ZBTB34: variants seen among roughly 807,000 people sequenced by gnomAD.
The protein encoded by ZBTB34 is zinc finger and BTB domain-containing protein 34.
In ZBTB34, 1 loss-of-function variant was observed where a neutral mutation model predicts 33.4. That is an observed-to-expected ratio of 0.03 (90% CI 0.01 to 0.14). The LOEUF (loss-of-function observed/expected upper bound fraction) is 0.14, where lower values mean the gene tolerates loss of function less well. Among genes scored for constraint, ZBTB34 ranks in the 10% least tolerant of loss-of-function variants. The pLI, the probability that ZBTB34 is intolerant of heterozygous loss-of-function variation, is 1.00. For synonymous variants in ZBTB34, 283 were observed against 253.5 expected (o/e 1.12, Z -1.11); for missense variants, 406 against 657.2 (o/e 0.62, Z 4.18).
At chr9:126,872,241 G>A (rs960166456) in intron 1 of ZBTB34, among the ~76,000 whole-genome samples, 1 of 152,164 alleles carries the variant, frequency 6.6e-6, no homozygotes, top group Admixed American at 6.5e-5. Context: ...GTGAGCCACC[G>A]CGCCCGGCCT....
intron 1 of ZBTB34, among the ~76,000 whole-genome samples, chr9:126,867,447 C>CTTTTTTT (rs201325256): frequency 2.8e-4 from 34 of 119,408 alleles, no homozygotes; most frequent in Non-Finnish European, 4.4e-4. Context: ...TGTCATTTTT[C>CTTTTTTT]TTTTTTTTTT....
rs1261535242 is a variant in ZBTB34, at chr9:126,879,831, T to C, written c.432T>C (p.Gly144=). 3 of 1,613,190 alleles carry C rather than the reference T, an allele frequency of 1.9e-6. No individual in the cohort carries two copies. In the South Asian group the frequency reaches 3.3e-5, roughly 18 times the overall value. Residue 144 remains glycine (G), a synonymous_variant, in exon 2 of 2, where the codon GGT becomes GGC. Coordinates refer to ENST00000319119, the Ensembl canonical transcript of ZBTB34. The surrounding 1 kb of genome is among the most constrained non-coding windows in gnomAD (Gnocchi z 6.4). ...GAGATGTTGACTCTGTTACCGTCGG[T>C]GCTGAAGAGAATCCCGAGAGTCGAA...
intron 1 of ZBTB34, among the ~76,000 whole-genome samples, chr9:126,861,251 G>GCGA (rs2033140085): frequency 6.6e-6 from 1 of 152,228 alleles, no homozygotes; most frequent in Non-Finnish European, 1.5e-5. Context: ...ACAGGCGGCG[G>GCGA]CGACGGGTTG....
chr9:126,873,127 A>G (rs1203844045), intron 1 of ZBTB34, among the ~76,000 whole-genome samples: 1 of 152,190 alleles, frequency 6.6e-6, no homozygotes, highest in African/African-American at 2.4e-5. Flanking sequence ...TTGCATTCCA[A>G]AAGTCACTAT....
rs546683922 is a variant in ZBTB34, at chr9:126,876,375, G to A, written c.-10-3015G>A. On this transcript the variant is annotated intron_variant, in intron 1 of 1. Coordinates refer to ENST00000319119, the Ensembl canonical transcript of ZBTB34. The stretch of plus-strand genomic sequence containing the variant: ...TAGCCTATTATTTTTGCCTTACGCT[G>A]AAAGGGCATTTAACTTTTTCTCACA... Among the ~76,000 whole-genome samples the A allele has an allele frequency of 8.7e-5, 13 of 150,260 alleles. No individual in the cohort carries two copies. In the South Asian group the frequency reaches 1.3e-3, roughly 15 times the overall value.
intron 1 of ZBTB34, among the ~76,000 whole-genome samples, chr9:126,866,981 CAT>C (rs2033210732): frequency 6.6e-6 from 1 of 151,600 alleles, no homozygotes; most frequent in South Asian, 2.1e-4. Flanking sequence ...TATATGCATA[CAT>C]ATTAGTCTAC....
rs774507911 is a variant in ZBTB34 at position 126,880,437 on chromosome 9, C to T, written c.1038C>T (p.Asp346=). ...TGCAGGGCCTGGTGCAGGGCTCTGA[C>T]AGTGAAGCCATGATGAACAACCCCG... is the stretch of plus-strand genomic sequence containing the variant. Residue 346 remains aspartate (D), a synonymous_variant, in exon 2 of 2, where the codon GAC becomes GAT. Coordinates refer to ENST00000319119, the Ensembl canonical transcript of ZBTB34. The surrounding 1 kb of genome is among the most constrained non-coding windows in gnomAD (Gnocchi z 6.7). 6.2e-6 allele frequency: 10 copies of T among 1,613,474 alleles called. No individual in the cohort carries two copies. Among genetic ancestry groups the T allele is most frequent in the Non-Finnish European group, 8.5e-6 (10 of 1,179,858 alleles).
chr9:126,870,145 T>C (rs2033259323), intron 1 of ZBTB34, among the ~76,000 whole-genome samples: 1 of 152,238 alleles, frequency 6.6e-6, no homozygotes, highest in Non-Finnish European at 1.5e-5. Flanking sequence ...TAAAGAGTTC[T>C]GGTTCTGATG....
exon 2 of ZBTB34, chr9:126,881,118 A>T (rs190160177): frequency 1.7e-6 from 1 of 593,484 alleles, no homozygotes; most frequent in Non-Finnish European, 3.0e-6. Context: ...ATGAAGGGCA[A>T]CGCATCCAGG....
At position 126,880,122 on chromosome 9, in the gene ZBTB34, G is replaced by A. The variant is rs373930697; in HGVS notation, c.723G>A (p.Lys241=). ...GCCAGATCACCGAGGTGAAAGTGAA[G>A]ATGGAGAAGTCCGACCGGCCCAGCT... The change falls in exon 2 of 2, where the codon AAG becomes AAA. Residue 241 remains lysine, a synonymous_variant. Transcript: ENST00000319119. This position sits in a 1 kb window ranked among gnomAD's most constrained non-coding sequence, Gnocchi z 6.7. 3.7e-5 allele frequency: 59 copies of A among 1,613,776 alleles called. No individual in the cohort carries two copies. In the African/African-American group the frequency reaches 7.2e-4, roughly 20 times the overall value.
intron 1 of ZBTB34, among the ~76,000 whole-genome samples, chr9:126,862,317 A>G (rs1023013443): frequency 4.6e-5 from 7 of 152,188 alleles, no homozygotes; most frequent in African/African-American, 1.7e-4. Context: ...ACTAGGTCAA[A>G]GTTGAAACTA....
chr9:126,880,363 G>A lies in ZBTB34; in HGVS notation c.964G>A (p.Gly322Arg). 1 of 1,613,854 alleles carries A rather than the reference G, an allele frequency of 6.2e-7. No homozygotes were observed. The change falls in exon 2 of 2, where the codon GGG becomes AGG. Residue 322 changes from glycine (G) to arginine (R), a missense_variant. Transcript: ENST00000319119. The surrounding 1 kb of genome is among the most constrained non-coding windows in gnomAD (Gnocchi z 6.7). ...GTCCATGCTGAGCTGTTTCCGAGGA[G>A]GGCGTGCCCGCCAGAAGCGGGCTTT...
At position 126,880,430 on chromosome 9, in the gene ZBTB34, G is replaced by T. The variant is rs769448656; in HGVS notation, c.1031G>T (p.Gly344Val). 6.2e-7 allele frequency: 1 copy of T among 1,613,380 alleles called. No homozygotes were observed. The highest frequency in any genetic ancestry group is 8.5e-7 in the Non-Finnish European group (1 of 1,179,852). The change falls in exon 2 of 2, where the codon GGC becomes GTC. Residue 344 changes from glycine to valine, a missense_variant. Gly to Val is a moderately radical substitution (Grantham distance 109, BLOSUM62 -3). Transcript: ENST00000319119. This position sits in a 1 kb window ranked among gnomAD's most constrained non-coding sequence, Gnocchi z 6.7. ...AGTGACCTGCAGGGCCTGGTGCAGG[G>T]CTCTGACAGTGAAGCCATGATGAAC...
At chr9:126,864,989 A>G (rs1261406439) in intron 1 of ZBTB34, among the ~76,000 whole-genome samples, 1 of 152,204 alleles carries the variant, frequency 6.6e-6, no homozygotes, top group Non-Finnish European at 1.5e-5. Context: ...CAGCAGGTGC[A>G]AATCTGGGTT....
chr9:126,860,991 G>C (rs2033135183), intron 1 of ZBTB34, among the ~76,000 whole-genome samples: 3 of 151,868 alleles, frequency 2.0e-5, no homozygotes. Context: ...AGCTGTGCTC[G>C]GTCCTGGAGT....
chr9:126,863,780 G>GGA, intron 1 of ZBTB34: 1 of 909,482 alleles, frequency 1.1e-6, no homozygotes, highest in Non-Finnish European at 1.3e-6. Context: ...CAGTGCCCCT[G>GGA]AAATGCTAGC....
intron 1 of ZBTB34, among the ~76,000 whole-genome samples, chr9:126,877,786 C>G (rs2033381672): frequency 6.6e-6 from 1 of 152,172 alleles, no homozygotes; most frequent in African/African-American, 2.4e-5. Context: ...AGGCAGATCA[C>G]TTGAGGTCAG....
In ZBTB34 at chr9:126,879,614, G is replaced by A. The variant is rs1248292321; in HGVS notation, c.215G>A (p.Gly72Asp). 6.2e-7 allele frequency: 1 copy of A among 1,613,704 alleles called. No homozygotes were observed. The highest frequency in any genetic ancestry group is 1.3e-5 in the African/African-American group (1 of 74,898). The change falls in exon 2 of 2, where the codon GGC (glycine) becomes GAC (aspartate). Residue 72 changes from glycine to aspartate, a missense_variant. Physicochemically the swap from Gly to Asp is moderately conservative, Grantham distance 94. This residue lies in a region of ZBTB34 where 50 missense variants were observed against 157.9 expected (regional missense o/e 0.32). Coordinates refer to ENST00000319119, the Ensembl canonical transcript of ZBTB34. This position sits in a 1 kb window ranked among gnomAD's most constrained non-coding sequence, Gnocchi z 6.4. The stretch of plus-strand genomic sequence containing the variant: ...CATTCAGCGTTAAGTACCATGAGTG[G>A]CTTGTCAATATCAGTGATTAAAAAT...
chr9:126,878,043 A>C (rs966859365), intron 1 of ZBTB34, among the ~76,000 whole-genome samples: 29 of 151,926 alleles, frequency 1.9e-4, no homozygotes, highest in African/African-American at 6.0e-4. Flanking sequence ...TGTCTAAAAT[A>C]ACTCTTCACT....
Sources: gnomAD v4.1 joint callset for allele counts (sites outside exome capture counted in the v4.1 genomes callset) on GRCh38, gnomAD v4.1.1 for gene constraint, gnomAD v4.1.1 regional missense constraint, Gnocchi (gnomAD v3.1) non-coding constraint, MANE v1.5 for transcripts, NCBI Gene and HGNC (gene_info 2026-07-23, HGNC 2026-07-21) for gene names.